The following E2F7 variants were observed in gnomAD, a reference collection of about 807,000 sequenced individuals.
E2F7 encodes the protein transcription factor E2F7.
E2F7 carries 35 observed loss-of-function variants against 81.1 expected under a neutral mutation model. That is an observed-to-expected ratio of 0.43 (90% confidence interval 0.33 to 0.57). E2F7 has a LOEUF of 0.57. E2F7 is among the 20% of genes least tolerant of loss of function. The probability of loss-of-function intolerance (pLI) is 0.04; values close to 1 mark genes in which losing one functional copy is unlikely to be tolerated. For synonymous variants in E2F7, 416 were observed against 416.2 expected (o/e 1.00, Z 0.01); for missense variants, 961 against 1,093.7 (o/e 0.88, Z 1.71).
At chr12:77,041,288 T>C (rs143111710) in intron 7 of E2F7, among the ~76,000 whole-genome samples, 109 of 152,308 alleles carry the variant, frequency 7.2e-4, no homozygotes, top group African/African-American at 2.6e-3. Flanking sequence ...GCCTCCCTGG[T>C]TCAAGTGATT....
At chr12:77,044,879 G>A in intron 5 of E2F7, 84 bp from the exon 6 acceptor site, 1 of 1,460,696 alleles carries the variant, frequency 6.8e-7, no homozygotes, top group Non-Finnish European at 9.2e-7. Context: ...AAATGATCTA[G>A]CCCTATCAGC....
chr12:77,063,542 A>G (rs1215479056), intron 2 of E2F7, among the ~76,000 whole-genome samples: 1 of 147,974 alleles, frequency 6.8e-6, no homozygotes, highest in East Asian at 2.8e-4. Flanking sequence ...AATCTGGTTC[A>G]CTATTATCCA....
chr12:77,040,523 C>T (rs922084724), intron 7 of E2F7, among the ~76,000 whole-genome samples: 8 of 152,156 alleles, frequency 5.3e-5, no homozygotes, highest in Admixed American at 3.9e-4. Flanking sequence ...CCCTGAGTAC[C>T]GACTTTGGAG....
rs368328521 is a variant in E2F7 at position 77,030,017 on chromosome 12, C to T, written c.1698G>A (p.Ala566=). ...CATCCCTCTCTGACCCTGACCCTGA[C>T]GCTGGTCCCTCCTGCAGACTTCCAT... The part of the protein sequence containing the change: ...MLYGSLQEGP[A]SGSGSERDDR... Residue 566 remains alanine, a synonymous_variant, in exon 10 of 13, where the codon GCG becomes GCA. Coordinates refer to ENST00000322886, the MANE Select transcript of E2F7 (RefSeq NM_203394.3). The T allele has an allele frequency of 6.2e-5, 100 of 1,614,050 alleles. No individual in the cohort carries two copies. Among genetic ancestry groups the T allele is most frequent in the South Asian group, 6.0e-4 (55 of 91,084 alleles).
chr12:77,044,859 C>T (rs1426347002), intron 5 of E2F7, 64 bp from the exon 6 acceptor site: 2 of 1,561,162 alleles, frequency 1.3e-6, no homozygotes, highest in East Asian at 2.3e-5. Flanking sequence ...ACTATACTTG[C>T]AGCTTGCCAA....
At chr12:77,063,155 C>T (rs1016426230) in intron 2 of E2F7, among the ~76,000 whole-genome samples, 10 of 152,144 alleles carry the variant, frequency 6.6e-5, no homozygotes, top group Admixed American at 4.6e-4. Context: ...CTGGCTGTCA[C>T]GGTATTGCAG....
In E2F7 at chr12:77,055,879, G is replaced by A. The variant is rs201883014; in HGVS notation, c.345C>T (p.Asp115=). The part of the protein sequence containing the change: ...KGLFRPIENK[D]DAFTDSLQLD... ...CCTGTAGAGAATCTGTAAATGCATC[G>A]TCCTTGTTTTCAATGGGTCGGAATA... Residue 115 remains aspartate (D), a synonymous_variant, in exon 3 of 13, where the codon GAC becomes GAT. Transcript: ENST00000322886. 5.7e-5 allele frequency: 92 copies of A among 1,612,482 alleles called. No homozygotes were observed. The East Asian group carries it at 7.1e-4, about 12-fold the overall frequency.
intron 7 of E2F7, 143 bp downstream of exon 7, chr12:77,042,922 C>T: frequency 1.5e-6 from 2 of 1,297,526 alleles, no homozygotes; most frequent in Non-Finnish European, 2.1e-6. Context: ...CTAATGTTAA[C>T]TGTTCCAAGA....
intron 2 of E2F7, among the ~76,000 whole-genome samples, chr12:77,061,521 G>T (rs1320908319): frequency 1.3e-5 from 2 of 152,198 alleles, no homozygotes; most frequent in African/African-American, 4.8e-5. Context: ...CTTTGGCCCA[G>T]ACTGTTTTCC....
In E2F7 at chr12:77,033,910, C is replaced by T; in HGVS notation, c.1256G>A (p.Arg419Lys). 7.4e-6 allele frequency: 12 copies of T among 1,613,966 alleles called. No individual in the cohort carries two copies. The highest frequency in any genetic ancestry group is 1.0e-5 in the Non-Finnish European group (12 of 1,179,920). The part of the protein sequence containing the change: ...GSFNTVQASE[R>K]IQRKVNSEPS... ...TTCTGAGTTCACTTTCCTCTGGATCCTCTCAGAAGCCTGAACTGTGTTAAA... is the reference window on the plus strand; with the variant it reads ...TTCTGAGTTCACTTTCCTCTGGATCTTCTCAGAAGCCTGAACTGTGTTAAA... The change falls in exon 8 of 13, where the codon AGG becomes AAG. Residue 419 changes from arginine to lysine, a missense_variant. Coordinates refer to ENST00000322886, the MANE Select transcript of E2F7 (RefSeq NM_203394.3).
chr12:77,024,247 A>G (rs953613880), intron 12 of E2F7, 62 bp from the exon 13 acceptor site: 38 of 1,534,994 alleles, frequency 2.5e-5, no homozygotes, highest in Admixed American at 1.7e-4. Flanking sequence ...TCTGAGTAGA[A>G]AGGCAGCCCT....
intron 2 of E2F7, among the ~76,000 whole-genome samples, chr12:77,057,398 C>G (rs185747127): frequency 6.6e-6 from 1 of 151,852 alleles, no homozygotes; most frequent in African/African-American, 2.4e-5. Context: ...TTGTAGAGAT[C>G]GGGGTCTCAC....
rs768970367 is a variant in E2F7, at chr12:77,050,685, T to C, written c.429A>G (p.Lys143=). The change falls in exon 4 of 13, where the codon AAA becomes AAG. Residue 143 remains lysine, a synonymous_variant. Coordinates refer to ENST00000322886, the MANE Select transcript of E2F7 (RefSeq NM_203394.3). ...GGCACAGGAGTCCTAAACTTTTCTG[T>C]TTTCTGCTTGGCCTTTGCTTTTCAA... The part of the protein sequence containing the change: ...DEFEKQRPSR[K]QKSLGLLCQK... The C allele has an allele frequency of 3.0e-5, 48 of 1,613,870 alleles. No homozygotes were observed. Among genetic ancestry groups the C allele is most frequent in the Non-Finnish European group, 4.1e-5 (48 of 1,179,964 alleles).
chr12:77,065,078 G>A (rs976478907), intron 1 of E2F7, among the ~76,000 whole-genome samples: 8 of 152,152 alleles, frequency 5.3e-5, no homozygotes, highest in African/African-American at 1.9e-4. Context: ...GCTGAGCGCA[G>A]CCCCTTCCCA....
intron 3 of E2F7, 107 bp from the exon 4 acceptor site, chr12:77,050,851 C>T (rs550656137): frequency 9.2e-7 from 1 of 1,086,092 alleles, no homozygotes; most frequent in African/African-American, 1.6e-5. Context: ...TCAATCCATA[C>T]CATCCTAGAT....
intron 1 of E2F7, 44 bp from the exon 2 acceptor site, chr12:77,064,679 A>AT (rs1047967803): frequency 1.9e-6 from 3 of 1,562,578 alleles, no homozygotes; most frequent in Non-Finnish European, 2.6e-6. Flanking sequence ...GCAATTAGGT[A>AT]TTTTTTCCTC....
chr12:77,063,696 A>C lies in E2F7; in HGVS notation c.93+847T>G, dbSNP rs142469769. ...TGGGGGAGCATACAATTTCGCATCT[A>C]TCCTAAATTAGCAATTATCAAGTAT... On this transcript the variant is annotated intron_variant, in intron 2 of 12. Transcript: ENST00000322886. Among the ~76,000 whole-genome samples the C allele has an allele frequency of 9.2e-4, 140 of 152,290 alleles. 1 individual carries two copies. The highest frequency in any genetic ancestry group is 1.5e-3 in the Non-Finnish European group (102 of 68,020).
intron 7 of E2F7, among the ~76,000 whole-genome samples, chr12:77,036,747 T>C: frequency 6.7e-6 from 1 of 150,364 alleles, no homozygotes. Flanking sequence ...ATTCTCCATT[T>C]TTTTTTTTTT....
intron 2 of E2F7, among the ~76,000 whole-genome samples, chr12:77,058,492 T>C (rs1231064714): frequency 6.6e-6 from 1 of 152,066 alleles, no homozygotes; most frequent in Non-Finnish European, 1.5e-5. Flanking sequence ...AGTTATCTTT[T>C]CCACAGCTCC....
Sources: allele counts gnomAD v4.1 joint callset (sites outside exome capture counted in the v4.1 genomes callset), GRCh38; gene constraint gnomAD v4.1.1; transcripts MANE v1.5; gene names NCBI Gene and HGNC (gene_info 2026-07-23, HGNC 2026-07-21).